Variants in CEP55 observed in about 807,000 individuals in gnomAD.
The protein encoded by CEP55 is centrosomal protein 55.
A neutral mutation model predicts 63.2 loss-of-function variants in CEP55; 57 were observed. The ratio of observed to expected loss-of-function variants is 0.90; its 90% confidence interval spans 0.73 to 1.13. The LOEUF (loss-of-function observed/expected upper bound fraction) is 1.13. CEP55 is among the 50% of genes most tolerant of loss of function. CEP55 has a pLI of 0.00. For missense variants in CEP55, 456 were observed against 518.9 expected, an observed-to-expected ratio of 0.88 and a Z score of 1.18; for synonymous variants, 178 against 191.6, an observed-to-expected ratio of 0.93 and a Z score of 0.59.
In CEP55 at chr10:93,506,972, G is replaced by A. The variant is rs746014807; in HGVS notation, c.460-16G>A. The stretch of plus-strand genomic sequence containing the variant: ...TGTGGAATGTCTGATGTTAACTAAT[G>A]TTGGATTATTTACAGACTGTGGCTC... On this transcript the variant is annotated splice_polypyrimidine_tract_variant and intron_variant, in intron 3 of 8. Transcript: ENST00000371485. 6.6e-7 allele frequency: 1 copy of A among 1,508,972 alleles called. No homozygotes were observed. The highest frequency in any genetic ancestry group is 9.2e-7 in the Non-Finnish European group (1 of 1,084,384). 93.5% of individuals were successfully genotyped at this position (1,508,972 alleles called of 1,614,324 possible).
At chr10:93,502,911 C>A (rs887448355) in intron 2 of CEP55, among the ~76,000 whole-genome samples, 12 of 152,226 alleles carry the variant, frequency 7.9e-5, no homozygotes, top group African/African-American at 2.7e-4. Context: ...ACAGCACTTA[C>A]AACGTTGCAT....
rs2057945220 is a variant in CEP55 at position 93,528,273 on chromosome 10, C to A, written c.*120C>A. ...AAACTGCCTATCTACCTTTGACACT[C>A]CAGCATGCTAGTGAATCATGTATCT... On this transcript the variant is annotated 3_prime_UTR_variant, in exon 9 of 9. Coordinates refer to ENST00000371485, the MANE Select transcript of CEP55 (RefSeq NM_018131.5). 1 of 763,422 alleles carries A rather than the reference C, an allele frequency of 1.3e-6. No homozygotes were observed. The allele number at this position is 763,422 out of a possible 1,614,324, so 47.3% of individuals were successfully genotyped here. A position where few individuals can be genotyped will look rare whatever the true frequency, so the allele number is the denominator to read the frequency against.
At chr10:93,521,221 C>T (rs561419919) in intron 8 of CEP55, among the ~76,000 whole-genome samples, 128 of 152,236 alleles carry the variant, frequency 8.4e-4, no homozygotes, top group African/African-American at 3.0e-3. Context: ...ACTGACGGCA[C>T]CTGGAAAATC....
At chr10:93,521,170 A>G (rs1189751249) in intron 8 of CEP55, among the ~76,000 whole-genome samples, 2 of 151,536 alleles carry the variant, frequency 1.3e-5, no homozygotes, top group African/African-American at 4.9e-5. Flanking sequence ...AGGAAGCGCA[A>G]GGGGTCAGGG....
chr10:93,502,544 A>C (rs1365138096), intron 2 of CEP55, among the ~76,000 whole-genome samples: 2 of 152,240 alleles, frequency 1.3e-5, no homozygotes, highest in Admixed American at 1.3e-4. Context: ...AGTTTAAAAA[A>C]CATTACTTAT....
At chr10:93,519,546 G>T in intron 7 of CEP55, 136 bp from the exon 8 acceptor site, 7 of 1,028,644 alleles carry the variant, frequency 6.8e-6, no homozygotes, top group Non-Finnish European at 9.8e-6. Context: ...AACATTTCAT[G>T]GTGCTTAGGT....
intron 4 of CEP55, among the ~76,000 whole-genome samples, chr10:93,507,481 C>T (rs547987570): frequency 6.6e-6 from 1 of 152,042 alleles, no homozygotes; most frequent in African/African-American, 2.4e-5. Context: ...CTCAGCCTTT[C>T]AAAGTGCTGG....
At chr10:93,522,493 A>G (rs1359875266) in intron 8 of CEP55, among the ~76,000 whole-genome samples, 1 of 152,244 alleles carries the variant, frequency 6.6e-6, no homozygotes, top group East Asian at 1.9e-4. Flanking sequence ...GGAGAATGCA[A>G]CCAAATTGGA....
In CEP55 at chr10:93,528,042, T is replaced by A. The variant is rs2057942134; in HGVS notation, c.1284T>A (p.Ser428Arg). 5 of 1,613,972 alleles carry A rather than the reference T, an allele frequency of 3.1e-6. No homozygotes were observed. The East Asian group carries it at 1.1e-4, about 36-fold the overall frequency. ...AAAAAGTTGCCGCCTCACCAAAAAG[T>A]CCCACTGCTGCACTCAATGAAAGCC... ...NREKVAASPK[S>R]PTAALNESLV... The change falls in exon 9 of 9, where the codon AGT becomes AGA. Residue 428 changes from serine to arginine, a missense_variant. Transcript: ENST00000371485.
intron 3 of CEP55, among the ~76,000 whole-genome samples, chr10:93,505,494 A>G (rs1276728715): frequency 1.3e-5 from 2 of 152,214 alleles, no homozygotes; most frequent in Admixed American, 6.5e-5. Context: ...CACTAACCAC[A>G]GGGAAGGCTG....
chr10:93,500,287 TGAA>T, intron 2 of CEP55, 53 bp downstream of exon 2: 1 of 1,432,464 alleles, frequency 7.0e-7, no homozygotes, highest in African/African-American at 1.4e-5. Flanking sequence ...AAGCGATGCA[TGAA>T]GATTTCCTGA....
chr10:93,517,681 C>T (rs1267384806), intron 6 of CEP55, among the ~76,000 whole-genome samples: 3 of 152,230 alleles, frequency 2.0e-5, no homozygotes, highest in African/African-American at 7.2e-5. Context: ...GATATGTGCT[C>T]AAGTGAATTC....
At chr10:93,521,523 G>A (rs1020015822) in intron 8 of CEP55, among the ~76,000 whole-genome samples, 1 of 152,172 alleles carries the variant, frequency 6.6e-6, no homozygotes, top group Non-Finnish European at 1.5e-5. Flanking sequence ...CTGGGGGCAG[G>A]GCATAGCCAA....
chr10:93,510,959 G>A (rs900633613), intron 4 of CEP55, among the ~76,000 whole-genome samples: 5 of 111,534 alleles, frequency 4.5e-5, no homozygotes, highest in African/African-American at 1.4e-4. Flanking sequence ...TTTTTTTTGA[G>A]ACAGAGTCTC....
At chr10:93,497,917 G>C (rs2057589664) in intron 1 of CEP55, among the ~76,000 whole-genome samples, 1 of 151,940 alleles carries the variant, frequency 6.6e-6, no homozygotes, top group Non-Finnish European at 1.5e-5. Flanking sequence ...TCAGGAGTTC[G>C]AGACTAGCCT....
At chr10:93,500,764 T>C (rs1023208565) in intron 2 of CEP55, among the ~76,000 whole-genome samples, 1 of 151,224 alleles carries the variant, frequency 6.6e-6, no homozygotes, top group Non-Finnish European at 1.5e-5. Context: ...TTCCATACTT[T>C]TTTTTTTTTT....
At chr10:93,511,317 TAACA>T (rs1300791526) in intron 4 of CEP55, among the ~76,000 whole-genome samples, 1 of 152,154 alleles carries the variant, frequency 6.6e-6, no homozygotes, top group Non-Finnish European at 1.5e-5. Context: ...AATGCATGCC[TAACA>T]AACGTATAGA....
intron 4 of CEP55, among the ~76,000 whole-genome samples, chr10:93,512,065 A>C (rs1320540799): frequency 4.0e-5 from 6 of 150,836 alleles, no homozygotes; most frequent in African/African-American, 1.5e-4. Flanking sequence ...CCCGTCTCTA[A>C]TAAAAATACA....
At chr10:93,497,661 G>A (rs1054906474) in intron 1 of CEP55, among the ~76,000 whole-genome samples, 8 of 133,776 alleles carry the variant, frequency 6.0e-5, no homozygotes, top group Non-Finnish European at 9.3e-5. Context: ...AAAAATAGTT[G>A]AACAATTGAA....
Sources: allele counts gnomAD v4.1 joint callset (sites outside exome capture counted in the v4.1 genomes callset), GRCh38; gene constraint gnomAD v4.1.1; transcripts MANE v1.5; gene names NCBI Gene and HGNC (gene_info 2026-07-23, HGNC 2026-07-21).